The following SEC14L3 variants were observed in gnomAD, a reference collection of about 807,000 sequenced individuals.
SEC14L3 encodes SEC14 like lipid binding 3.
SEC14L3 carries 56 observed loss-of-function variants against 57.4 expected under a neutral mutation model. That is an observed-to-expected ratio of 0.97 (90% CI 0.79 to 1.22). The LOEUF (loss-of-function observed/expected upper bound fraction) is 1.22. Among genes scored for constraint, SEC14L3 ranks in the 50% most tolerant of loss-of-function variants. SEC14L3 has a pLI of 0.00. For synonymous variants in SEC14L3, 173 were observed against 194.4 expected (o/e 0.89, Z 0.92); for missense variants, 485 against 511.7 (o/e 0.95, Z 0.50).
Position 30,459,809 on chromosome 22 carries a change from C to A in SEC14L3, c.*212G>T. ...CTTGCCTTTACCCTTGCTTTTTCCT[C>A]TTCTGCAACCTTGGTACCCTCCAAG... On this transcript the variant is annotated 3_prime_UTR_variant, in exon 12 of 12. Transcript: ENST00000215812. The A allele has an allele frequency of 8.1e-7, 1 of 1,237,884 alleles. No homozygotes were observed. The highest frequency in any genetic ancestry group is 1.0e-6 in the Non-Finnish European group (1 of 984,488). The allele number at this position is 1,237,884 out of a possible 1,614,324, so 76.7% of individuals were successfully genotyped here. A position where few individuals can be genotyped will look rare whatever the true frequency, so the allele number is the denominator to read the frequency against.
intron 12 of SEC14L3, among the ~76,000 whole-genome samples, chr22:30,450,264 GGGTCT>G (rs973654966): frequency 3.3e-5 from 5 of 152,134 alleles, no homozygotes; most frequent in Non-Finnish European, 7.4e-5. Flanking sequence ...TGCTGGACGA[GGGTCT>G]GGAGCTGGAC....
chr22:30,449,489 CTT>C (rs1277002859), intron 12 of SEC14L3, among the ~76,000 whole-genome samples: 1 of 152,086 alleles, frequency 6.6e-6, no homozygotes, highest in Non-Finnish European at 1.5e-5. Context: ...CAAGCTGTAA[CTT>C]AGCCAGTACC....
chr22:30,456,331 A>C, downstream of SEC14L3, among the ~76,000 whole-genome samples: 1 of 150,502 alleles, frequency 6.6e-6, no homozygotes, highest in Admixed American at 6.6e-5. Context: ...AACACCAAAC[A>C]CGAAAAAAGG....
chr22:30,454,001 G>A (rs1363901883), intron 12 of SEC14L3, among the ~76,000 whole-genome samples: 1 of 152,072 alleles, frequency 6.6e-6, no homozygotes, highest in African/African-American at 2.4e-5. Context: ...AGTCATGCTT[G>A]GTCTTGTCTT....
chr22:30,471,248 G>A (rs941897236), intron 1 of SEC14L3: 1 of 453,206 alleles, frequency 2.2e-6, no homozygotes, highest in South Asian at 1.6e-5. Context: ...TCGCTCCACA[G>A]CACTCCAGCC....
In SEC14L3 at chr22:30,459,229, T is replaced by C. The variant is rs1006472952; in HGVS notation, c.*792A>G. ...TGGTACACAGAGAGCACTCGCCAAA[T>C]GATAGTTGTTTTCTTTATTATGATT... On this transcript the variant is annotated 3_prime_UTR_variant, in exon 12 of 12. Coordinates refer to ENST00000215812, the MANE Select transcript of SEC14L3 (RefSeq NM_174975.5). 3.1e-6 allele frequency: 3 copies of C among 978,700 alleles called. No individual in the cohort carries two copies. The Admixed American group carries it at 1.8e-4, about 60-fold the overall frequency. The allele number at this position is 978,700 out of a possible 1,614,324, so 60.6% of individuals were successfully genotyped here.
At chr22:30,449,686 T>C (rs567677684) in intron 12 of SEC14L3, among the ~76,000 whole-genome samples, 1 of 151,846 alleles carries the variant, frequency 6.6e-6, no homozygotes, top group East Asian at 1.9e-4. Flanking sequence ...TGTCTCAACC[T>C]CCCGAGTAGC....
downstream of SEC14L3, among the ~76,000 whole-genome samples, chr22:30,456,318 A>AAAAAAAAAC (rs1935120017): frequency 6.8e-6 from 1 of 146,240 alleles, no homozygotes; most frequent in African/African-American, 2.5e-5. Flanking sequence ...AAAAAAAAAA[A>AAAAAAAAAC]CAAACACCAA....
Position 30,468,476 on chromosome 22 carries a change from C to T in SEC14L3, c.423+32G>A, listed in dbSNP as rs75249859. The T allele has an allele frequency of 2.6e-3, 4,100 of 1,568,672 alleles. 82 individuals carry two copies. In the African/African-American group the frequency reaches 0.046, roughly 18 times the overall value. On this transcript the variant is annotated intron_variant, in intron 5 of 11. Transcript: ENST00000215812. ...TCCCCCCGGCAGCCTCACCTGCCCC[C>T]AGCCATCCACCCCACCTGGCCTGGA... is the stretch of plus-strand genomic sequence containing the variant.
At chr22:30,454,515 A>T (rs1569224891), downstream of SEC14L3, among the ~76,000 whole-genome samples, 1 of 122,936 alleles carries the variant, frequency 8.1e-6, no homozygotes, top group East Asian at 2.3e-4. Flanking sequence ...ATCTATAATA[A>T]TATTATTATA....
chr22:30,468,033 C>T (rs890109013), intron 5 of SEC14L3, among the ~76,000 whole-genome samples: 5 of 152,168 alleles, frequency 3.3e-5, no homozygotes, highest in Non-Finnish European at 7.3e-5. Flanking sequence ...GTAATCCCAG[C>T]ACTTTGGGAG....
At position 30,461,575 on chromosome 22, in the gene SEC14L3, T is replaced by C. The variant is rs1935264821; in HGVS notation, c.891A>G (p.Leu297=). 1 of 1,613,938 alleles carries C rather than the reference T, an allele frequency of 6.2e-7. No homozygotes were observed. The highest frequency in any genetic ancestry group is 1.1e-5 in the South Asian group (1 of 91,068). Residue 297 remains leucine, a synonymous_variant, in exon 10 of 12, where the codon CTA becomes CTG. Coordinates refer to ENST00000215812, the MANE Select transcript of SEC14L3 (RefSeq NM_174975.5). ...GSSHQVEYEI[L]FPGCVLRWQF... is the part of the protein sequence containing the mutation. ...CCTACCTGAGAACGCAGCCTGGAAA[T>C]AGGATCTCGTATTCCACTTGGTGTG...
chr22:30,470,626 C>G (rs1935577252), intron 1 of SEC14L3, 44 bp from the exon 2 acceptor site: 2 of 1,613,530 alleles, frequency 1.2e-6, no homozygotes, highest in East Asian at 4.5e-5. Context: ...TCACATTGAG[C>G]CTTGGCCTCC....
Position 30,464,904 on chromosome 22 carries a change from C to A in SEC14L3, c.581-1G>T, listed in dbSNP as rs760770616. The stretch of plus-strand genomic sequence containing the variant: ...TAGCCCACAGGGAACAGTTTGGTAG[C>A]TGGAGAGATAGAAGTAAGGATAATG... On this transcript the variant is annotated splice_acceptor_variant, in intron 7 of 11. Transcript: ENST00000215812. LOFTEE classifies it high-confidence loss of function. 1.9e-6 allele frequency: 3 copies of A among 1,613,812 alleles called. No individual in the cohort carries two copies. Among genetic ancestry groups the A allele is most frequent in the Non-Finnish European group, 2.5e-6 (3 of 1,179,732 alleles).
chr22:30,468,665 C>A lies in SEC14L3; in HGVS notation c.266G>T (p.Cys89Phe), dbSNP rs755528753. The A allele has an allele frequency of 6.2e-7, 1 of 1,613,946 alleles. No individual in the cohort carries two copies. Among genetic ancestry groups the A allele is most frequent in the Non-Finnish European group, 8.5e-7 (1 of 1,179,868 alleles). The change falls in exon 5 of 12, where the codon TGT (cysteine) becomes TTT (phenylalanine). Residue 89 changes from cysteine to phenylalanine, a missense_variant. Transcript: ENST00000215812. ...VIQKYMPGGL[C>F]GYDRDGCPVW... ...GGGGCAGCCATCACGGTCATAGCCA[C>A]ACAGGCCCCCAGGCATGTACTTCTG...
chr22:30,467,591 C>G (rs1157299707), intron 5 of SEC14L3, among the ~76,000 whole-genome samples: 2 of 152,094 alleles, frequency 1.3e-5, no homozygotes, highest in African/African-American at 4.8e-5. Flanking sequence ...TAGGTCAGCA[C>G]AAGAGCTTCA....
At chr22:30,460,281 C>T (rs1935212678) in intron 11 of SEC14L3, 139 bp from the exon 12 acceptor site, 1 of 1,480,348 alleles carries the variant, frequency 6.8e-7, no homozygotes. Flanking sequence ...CACGCCTCTT[C>T]CCTTCCCCAT....
chr22:30,470,887 G>A (rs1407063337), intron 1 of SEC14L3, among the ~76,000 whole-genome samples: 1 of 152,164 alleles, frequency 6.6e-6, no homozygotes, highest in Admixed American at 6.5e-5. Flanking sequence ...GAGTGGGTGG[G>A]TGGATAAATC....
Position 30,470,712 on chromosome 22 carries a change from T to C in SEC14L3, c.55-130A>G, listed in dbSNP as rs1267968819. 3 of 1,510,322 alleles carry C rather than the reference T, an allele frequency of 2.0e-6. No homozygotes were observed. In the African/African-American group the frequency reaches 4.1e-5, roughly 21 times the overall value. The allele number at this position is 1,510,322 out of a possible 1,614,324, so 93.6% of individuals were successfully genotyped here. On this transcript the variant is annotated intron_variant, in intron 1 of 11. Coordinates refer to ENST00000215812, the MANE Select transcript of SEC14L3 (RefSeq NM_174975.5). Reference sequence around the variant, plus strand: ...GGCCCACATTGATGAAAGGATGGGTTAATGGTTGAATAGAAGGGCAGATGG... The same window carrying C: ...GGCCCACATTGATGAAAGGATGGGTCAATGGTTGAATAGAAGGGCAGATGG...
Sources: allele counts gnomAD v4.1 joint callset (sites outside exome capture counted in the v4.1 genomes callset), GRCh38; gene constraint gnomAD v4.1.1; transcripts MANE v1.5; gene names NCBI Gene and HGNC (gene_info 2026-07-23, HGNC 2026-07-21).